The following GADL1 variants were observed in gnomAD, a reference collection of about 807,000 sequenced individuals.
GADL1 encodes the protein GAD like acidic amino acid decarboxylase 1.
Under a neutral mutation model 69.5 loss-of-function variants are expected in GADL1, and 71 were observed. The ratio of observed to expected loss-of-function variants is 1.02; its 90% CI spans 0.84 to 1.25. The LOEUF (loss-of-function observed/expected upper bound fraction) is 1.25, where lower values mean the gene tolerates loss of function less well. Among genes scored for constraint, GADL1 ranks in the 50% most tolerant of loss-of-function variants. GADL1 has a pLI of 0.00. For missense variants in GADL1, 737 were observed against 631.8 expected, an observed-to-expected ratio of 1.17 and a Z score of -1.79; for synonymous variants, 254 against 214.4, an observed-to-expected ratio of 1.18 and a Z score of -1.62.
intron 1 of GADL1, among the ~76,000 whole-genome samples, chr3:30,868,123 T>C (rs1037205393): frequency 6.6e-6 from 1 of 152,078 alleles, no homozygotes; most frequent in Non-Finnish European, 1.5e-5. Flanking sequence ...TATGCATTTC[T>C]GTCATGTCTA....
At chr3:30,819,631 A>G (rs996961278) in intron 11 of GADL1, among the ~76,000 whole-genome samples, 2 of 152,160 alleles carry the variant, frequency 1.3e-5, no homozygotes, top group African/African-American at 4.8e-5. Flanking sequence ...TTACAGAACA[A>G]AAACATAAAT....
At chr3:30,739,348 T>G (rs1221006447) in intron 14 of GADL1, among the ~76,000 whole-genome samples, 1 of 152,136 alleles carries the variant, frequency 6.6e-6, no homozygotes, top group African/African-American at 2.4e-5. Flanking sequence ...CATCCTCCTG[T>G]GTGACTATCT....
chr3:30,772,365 AT>A (rs1473600918), intron 14 of GADL1, among the ~76,000 whole-genome samples: 7 of 152,230 alleles, frequency 4.6e-5, no homozygotes, highest in African/African-American at 1.7e-4. Context: ...TATTTATGAA[AT>A]ATTGACAAAA....
At chr3:30,774,594 C>T (rs958553751) in intron 14 of GADL1, among the ~76,000 whole-genome samples, 1 of 102,628 alleles carries the variant, frequency 9.7e-6, no homozygotes. Flanking sequence ...TTATCACTTC[C>T]TTATGTATTC....
chr3:30,815,049 C>G lies in GADL1; in HGVS notation c.1051-13961G>C, dbSNP rs542235269. ...AAATACTTAGCCACTAAAAGAGATA[C>G]TTAAACTGGGAGATAAAATGGCCAT... is the stretch of plus-strand genomic sequence containing the variant. On this transcript the variant is annotated intron_variant, in intron 11 of 14. Transcript: ENST00000282538. 2.0e-5 allele frequency among the ~76,000 whole-genome samples: 3 copies of G among 152,062 alleles called. No individual in the cohort carries two copies. The East Asian group carries it at 5.8e-4, about 29-fold the overall frequency.
chr3:30,859,994 T>C (rs1430876220), intron 2 of GADL1, among the ~76,000 whole-genome samples: 1 of 151,910 alleles, frequency 6.6e-6, no homozygotes, highest in African/African-American at 2.4e-5. Context: ...GGGCAAAAAA[T>C]GGTCCCCTTG....
chr3:30,852,206 A>G (rs1305085058), intron 4 of GADL1, among the ~76,000 whole-genome samples: 1 of 152,158 alleles, frequency 6.6e-6, no homozygotes, highest in Non-Finnish European at 1.5e-5. Flanking sequence ...TACAGATGTT[A>G]TGCCATCTTA....
rs77395355 is a variant in GADL1, at chr3:30,751,761, C to T, written c.1393-23346G>A. Among the ~76,000 whole-genome samples, 228 of 152,064 alleles carry T rather than the reference C, an allele frequency of 1.5e-3. 2 individuals carry two copies. In the East Asian group the frequency reaches 0.026, roughly 17 times the overall value. The stretch of plus-strand genomic sequence containing the variant: ...AACTAGATTTCTGCTGCGCTGGTGC[C>T]CCCCGATGGTCTCGCCATTTCATGG... On this transcript the variant is annotated intron_variant, in intron 14 of 14. Coordinates refer to ENST00000282538, the MANE Select transcript of GADL1 (RefSeq NM_207359.3).
intron 8 of GADL1, among the ~76,000 whole-genome samples, chr3:30,840,721 TA>T (rs1201427416): frequency 6.6e-6 from 1 of 152,122 alleles, no homozygotes; most frequent in South Asian, 2.1e-4. Flanking sequence ...TCCTCACCTT[TA>T]AAAAAAGATC....
chr3:30,728,686 C>T (rs142279053), intron 14 of GADL1, among the ~76,000 whole-genome samples: 25 of 152,166 alleles, frequency 1.6e-4, no homozygotes, highest in African/African-American at 6.0e-4. Context: ...AGGTACATGG[C>T]GAGTAAATCA....
Position 30,839,016 on chromosome 3 carries a change from C to T in GADL1, c.884G>A (p.Ser295Asn). Residue 295 changes from serine to asparagine, a missense_variant, in exon 9 of 15, where the codon AGC (serine) becomes AAC (asparagine). Ser to Asn is a conservative substitution (Grantham distance 46, BLOSUM62 1). Coordinates refer to ENST00000282538, the MANE Select transcript of GADL1 (RefSeq NM_207359.3). Reference sequence around the variant, plus strand: ...ACTTACATCTACATGAAGCCAGAGGCTGTGCCTCTCGCAGATGTCTGCTAT... The same window carrying T: ...ACTTACATCTACATGAAGCCAGAGGTTGTGCCTCTCGCAGATGTCTGCTAT... ...DEIADICERH[S>N]LWLHVDASWG... The T allele has an allele frequency of 6.3e-7, 1 of 1,598,896 alleles. No individual in the cohort carries two copies. The highest frequency in any genetic ancestry group is 8.5e-7 in the Non-Finnish European group (1 of 1,171,542).
At position 30,778,374 on chromosome 3, in the gene GADL1, A is replaced by T. The variant is rs375428313; in HGVS notation, c.1303-106T>A. The stretch of plus-strand genomic sequence containing the variant: ...AGTTTCTTCAAGAGTTATCATGTGT[A>T]TAAAATTTTAACATCAGAATCTTAT... On this transcript the variant is annotated intron_variant, in intron 13 of 14. Transcript: ENST00000282538. The T allele has an allele frequency of 1.1e-3, 744 of 698,030 alleles. 4 individuals carry two copies. The African/African-American group carries it at 0.012, about 11-fold the overall frequency. The allele number at this position is 698,030 out of a possible 1,614,324, so 43.2% of individuals were successfully genotyped here. A position where few individuals can be genotyped will look rare whatever the true frequency, so the allele number is the denominator to read the frequency against.
At chr3:30,791,397 TTG>T (rs1000639985) in intron 12 of GADL1, among the ~76,000 whole-genome samples, 19 of 152,138 alleles carry the variant, frequency 1.2e-4, no homozygotes, top group African/African-American at 3.9e-4. Flanking sequence ...CTAAATAACT[TTG>T]TGAGTCTAGG....
At chr3:30,782,827 A>AG (rs1696696068) in intron 13 of GADL1, among the ~76,000 whole-genome samples, 1 of 152,224 alleles carries the variant, frequency 6.6e-6, no homozygotes, top group Non-Finnish European at 1.5e-5. Flanking sequence ...GACTATCAAG[A>AG]GATGGAGTGA....
At chr3:30,779,231 C>T (rs1454566312) in intron 13 of GADL1, among the ~76,000 whole-genome samples, 1 of 152,210 alleles carries the variant, frequency 6.6e-6, no homozygotes, top group African/African-American at 2.4e-5. Context: ...ACAAATTAGA[C>T]ATATAGAATT....
intron 5 of GADL1, among the ~76,000 whole-genome samples, chr3:30,850,408 T>C (rs1698131335): frequency 6.6e-6 from 1 of 152,152 alleles, no homozygotes; most frequent in African/African-American, 2.4e-5. Flanking sequence ...GGCCTTTACC[T>C]AGGTCTCCAT....
chr3:30,839,213 T>G, intron 8 of GADL1, 100 bp from the exon 9 acceptor site: 2 of 711,742 alleles, frequency 2.8e-6, no homozygotes, highest in Non-Finnish European at 2.2e-6. Flanking sequence ...AGAGAGTTAT[T>G]TGGGTTTTTT....
chr3:30,849,468 C>T (rs1451097453), intron 6 of GADL1, among the ~76,000 whole-genome samples: 1 of 152,060 alleles, frequency 6.6e-6, no homozygotes, highest in Admixed American at 6.6e-5. Context: ...AGCCTATGCG[C>T]TTATCTACTG....
In GADL1 at chr3:30,854,758, A is replaced by G. The variant is rs1290694859; in HGVS notation, c.369T>C (p.Ala123=). ...NHPRFFNQLY[A]GLDYYSLVAR... ...CCACCAAGGAGTAATAATCAAGTCC[A>G]GCATACAATTGGTTGAAAAATCTTG... is the stretch of plus-strand genomic sequence containing the variant. The change falls in exon 4 of 15, where the codon GCT becomes GCC. Residue 123 remains alanine (A), a synonymous_variant. Coordinates refer to ENST00000282538, the MANE Select transcript of GADL1 (RefSeq NM_207359.3). The G allele has an allele frequency of 6.5e-7, 1 of 1,549,496 alleles. No homozygotes were observed. Among genetic ancestry groups the G allele is most frequent in the African/African-American group, 1.4e-5 (1 of 72,948 alleles).
Sources: allele counts gnomAD v4.1 joint callset (sites outside exome capture counted in the v4.1 genomes callset), GRCh38; gene constraint gnomAD v4.1.1; transcripts MANE v1.5; gene names NCBI Gene and HGNC (gene_info 2026-07-23, HGNC 2026-07-21).